Variants in LAMA5 observed in about 807,000 individuals in gnomAD.
LAMA5 encodes laminin subunit alpha 5, also known as laminin subunit alpha-5.
A neutral mutation model predicts 433.4 loss-of-function variants in LAMA5; 260 were observed. That is an observed-to-expected ratio of 0.60 (90% CI 0.54 to 0.66). The LOEUF (loss-of-function observed/expected upper bound fraction) is 0.66. LAMA5 is among the 30% of genes least tolerant of loss of function. The probability of loss-of-function intolerance (pLI) is 0.00; values close to 1 mark genes in which losing one functional copy is unlikely to be tolerated. For synonymous variants in LAMA5, 2,620 were observed against 2,226.6 expected, an observed-to-expected ratio of 1.18 and a Z score of -4.97; for missense variants, 5,378 against 5,258.5, an observed-to-expected ratio of 1.02 and a Z score of -0.70.
chr20:62,329,641 G>C (rs937825104), intron 32 of LAMA5, 136 bp downstream of exon 32: 7 of 1,123,814 alleles, frequency 6.2e-6, no homozygotes, highest in Non-Finnish European at 8.9e-6. Context: ...GTCCCCAAAG[G>C]CAGGAGCTGC....
In LAMA5 at chr20:62,328,346, G is replaced by T. The variant is rs1210946315; in HGVS notation, c.4547C>A (p.Thr1516Asn). 4 of 1,598,344 alleles carry T rather than the reference G, an allele frequency of 2.5e-6. No homozygotes were observed. The highest frequency in any genetic ancestry group is 2.3e-5 in the East Asian group (1 of 44,392). ...PPDCLLCQPQ[T>N]FGCHPLVGCE... is the part of the protein sequence containing the mutation. ...GCCGACCAGGGGGTGGCAGCCAAAGGTCTGGGGCTGGCACAGCAGGCAGTC... is the reference window on the plus strand; with the variant it reads ...GCCGACCAGGGGGTGGCAGCCAAAGTTCTGGGGCTGGCACAGCAGGCAGTC... Residue 1516 changes from threonine (T) to asparagine (N), a missense_variant, in exon 35 of 80, where the codon ACC becomes AAC. Transcript: ENST00000252999.
chr20:62,315,158 G>T lies in LAMA5; in HGVS notation c.7917C>A (p.Ala2639=). Reference sequence around the variant, plus strand: ...ACTGCACACGGGTGGCGGTGTCCTGGGCTTCAGCAGCCACAGCCTTGGCAT... The same window carrying T: ...ACTGCACACGGGTGGCGGTGTCCTGTGCTTCAGCAGCCACAGCCTTGGCAT... ...IAHAKAVAAE[A]QDTATRVQSQ... The change falls in exon 59 of 80, where the codon GCC becomes GCA. Residue 2639 remains alanine, a synonymous_variant. Coordinates refer to ENST00000252999, the MANE Select transcript of LAMA5 (RefSeq NM_005560.6). 1 of 1,610,962 alleles carries T rather than the reference G, an allele frequency of 6.2e-7. No individual in the cohort carries two copies. The highest frequency in any genetic ancestry group is 8.5e-7 in the Non-Finnish European group (1 of 1,179,706).
rs558380825 is a variant in LAMA5 at position 62,345,570 on chromosome 20, C to G, written c.1477+248G>C. ...TACAGGCACACATCACTACACCCAG[C>G]TAATTTTTGTATTTGCTGTAGAGAC... is the stretch of plus-strand genomic sequence containing the variant. On this transcript the variant is annotated intron_variant, in intron 11 of 79. Transcript: ENST00000252999. 20 of 640,950 alleles carry G rather than the reference C, an allele frequency of 3.1e-5. 1 individual carries two copies. The South Asian group carries it at 3.1e-4, about 10-fold the overall frequency. The allele number at this position is 640,950 out of a possible 1,614,324, so 39.7% of individuals were successfully genotyped here.
At chr20:62,364,401 G>C (rs1986493021) in intron 1 of LAMA5, among the ~76,000 whole-genome samples, 1 of 152,176 alleles carries the variant, frequency 6.6e-6, no homozygotes, top group Admixed American at 6.5e-5. Context: ...GCGGGTCAAG[G>C]GTCAGCCTCT....
rs1369537754 is a variant in LAMA5, at chr20:62,310,472, C to T, written c.10547G>A (p.Gly3516Asp). ...GAAGAACAGGCCCGCCTCCAGGGGG[C>T]CCAAGATGCAGGGTGTGACCCCTGC... is the stretch of plus-strand genomic sequence containing the variant. The part of the protein sequence containing the change: ...RMAGVTPCIL[G>D]PLEAGLFFPG... The change falls in exon 76 of 80, where the codon GGC becomes GAC. Residue 3516 changes from glycine to aspartate, a missense_variant. Gly to Asp is a moderately conservative substitution (Grantham distance 94). Transcript: ENST00000252999. The T allele has an allele frequency of 6.3e-7, 1 of 1,596,668 alleles. No homozygotes were observed.
intron 4 of LAMA5, 75 bp downstream of exon 4, chr20:62,352,167 C>A (rs550885341): frequency 6.3e-7 from 1 of 1,576,210 alleles, no homozygotes; most frequent in Non-Finnish European, 8.6e-7. Flanking sequence ...TCTCCAGCCC[C>A]GCTCGGCACT....
At chr20:62,320,343 A>AG (rs397964932) in intron 50 of LAMA5, among the ~76,000 whole-genome samples, 1 of 149,250 alleles carries the variant, frequency 6.7e-6, no homozygotes, top group Non-Finnish European at 1.5e-5. Context: ...AAAAAAAAAA[A>AG]GACATTTGAG....
At chr20:62,321,639 AGCCAGTGGAAGAGGTG>A in intron 48 of LAMA5, among the ~76,000 whole-genome samples, 1 of 65,450 alleles carries the variant, frequency 1.5e-5, no homozygotes. Context: ...GAGGAGGTGC[AGCCAGTGGAAGAGGTG>A]GGGCCAATGG....
chr20:62,309,603 T>TGGGAGTAGGGTGGGAGGGGGCAGG, intron 79 of LAMA5, 113 bp downstream of exon 79: 3 of 283,610 alleles, frequency 1.1e-5, no homozygotes, highest in Non-Finnish European at 1.7e-5. Flanking sequence ...GGTAGGGGGG[T>TGGGAGTAGGGTGGGAGGGGGCAGG]GGGAGGAGGG....
chr20:62,314,435 A>C lies in LAMA5; in HGVS notation c.8373T>G (p.Thr2791=). 1 of 1,613,368 alleles carries C rather than the reference A, an allele frequency of 6.2e-7. No individual in the cohort carries two copies. Among genetic ancestry groups the C allele is most frequent in the African/African-American group, 1.3e-5 (1 of 75,030 alleles). ...FVMYMGSRQA[T]GDYMGVSLRD... ...GCAGAGACACACCCATGTAGTCCCC[A>C]GTGGCCTGCGGCAGTGACAGACACA... Residue 2791 remains threonine, a synonymous_variant, in exon 62 of 80, where the codon ACT becomes ACG. Coordinates refer to ENST00000252999, the MANE Select transcript of LAMA5 (RefSeq NM_005560.6).
intron 23 of LAMA5, 44 bp downstream of exon 23, chr20:62,333,857 C>A (rs867637072): frequency 2.8e-6 from 4 of 1,412,658 alleles, no homozygotes; most frequent in Non-Finnish European, 3.7e-6. Context: ...GTGGGGTGGG[C>A]TGGGCTGGTG....
rs369572769 is a variant in LAMA5 at position 62,312,259 on chromosome 20, C to T, written c.9418G>A (p.Val3140Met). 1.2e-5 allele frequency: 20 copies of T among 1,611,036 alleles called. No homozygotes were observed. Among genetic ancestry groups the T allele is most frequent in the Admixed American group, 3.3e-5 (2 of 59,780 alleles). ...HGFLRLALSN[V>M]APLTGNVYSG... ...TAGACGTTGCCAGTGAGCGGTGCCA[C>T]GTTCGAGAGCGCCAGGCGAAGGAAG... Residue 3140 changes from valine to methionine, a missense_variant, in exon 69 of 80, where the codon GTG becomes ATG. Coordinates refer to ENST00000252999, the MANE Select transcript of LAMA5 (RefSeq NM_005560.6).
chr20:62,332,200 A>G (rs1296365740), intron 28 of LAMA5, among the ~76,000 whole-genome samples, 172 bp downstream of exon 28: 1 of 152,214 alleles, frequency 6.6e-6, no homozygotes, highest in Non-Finnish European at 1.5e-5. Flanking sequence ...AAGGGACTGA[A>G]TCCACAAAAC....
chr20:62,352,732 G>T (rs2146314910), intron 3 of LAMA5, among the ~76,000 whole-genome samples: 1 of 152,312 alleles, frequency 6.6e-6, no homozygotes, highest in African/African-American at 2.4e-5. Context: ...CCACCAGCAT[G>T]ACTGGTCAGG....
At chr20:62,343,439 G>A (rs180939896) in intron 11 of LAMA5, among the ~76,000 whole-genome samples, 2 of 152,074 alleles carry the variant, frequency 1.3e-5, no homozygotes, top group East Asian at 1.9e-4. Flanking sequence ...CCAAAATAAG[G>A]GGCAAATGAC....
intron 1 of LAMA5, among the ~76,000 whole-genome samples, chr20:62,364,675 G>A (rs867378832): frequency 6.6e-6 from 1 of 152,156 alleles, no homozygotes; most frequent in Middle Eastern, 3.2e-3. Flanking sequence ...TCCCAGGCTG[G>A]GCCGGCCAGG....
chr20:62,328,298 C>A lies in LAMA5; in HGVS notation c.4595G>T (p.Gly1532Val), dbSNP rs780287923. The change falls in exon 35 of 80, where the codon GGG becomes GTG. Residue 1532 changes from glycine (G) to valine (V), a missense_variant. Gly to Val is a moderately radical substitution (Grantham distance 109). Transcript: ENST00000252999. ...LVGCEECNCS[G>V]PGIQELTDPT... ...GTCTGTGAGCTCCTGGATGCCGGGCCCTGAGCAGTTACACTCCTCACAGCC... is the reference window on the plus strand; with the variant it reads ...GTCTGTGAGCTCCTGGATGCCGGGCACTGAGCAGTTACACTCCTCACAGCC... 5 of 1,607,836 alleles carry A rather than the reference C, an allele frequency of 3.1e-6. No individual in the cohort carries two copies. Among genetic ancestry groups the A allele is most frequent in the South Asian group, 2.2e-5 (2 of 89,842 alleles).
chr20:62,310,727 G>T lies in LAMA5; in HGVS notation c.10384C>A (p.Pro3462Thr), dbSNP rs902041085. The change falls in exon 75 of 80, where the codon CCC becomes ACC. Residue 3462 changes from proline to threonine, a missense_variant. Coordinates refer to ENST00000252999, the MANE Select transcript of LAMA5 (RefSeq NM_005560.6). ...PHRQHQGAEH[P>T]QPHTLFVGGL... The stretch of plus-strand genomic sequence containing the variant: ...CCCACAAAGAGGGTGTGGGGCTGGG[G>T]GTGCTCTGCCCCCTGGTGCTGCCGG... 1 of 1,593,516 alleles carries T rather than the reference G, an allele frequency of 6.3e-7. No individual in the cohort carries two copies.
chr20:62,319,596 C>G (rs1987443105), intron 51 of LAMA5, 88 bp downstream of exon 51: 2 of 907,382 alleles, frequency 2.2e-6, no homozygotes, highest in Non-Finnish European at 3.4e-6. Flanking sequence ...GCCTGTTCTT[C>G]CAGGCCAAGC....
Sources: gnomAD v4.1 joint callset for allele counts (sites outside exome capture counted in the v4.1 genomes callset) on GRCh38, gnomAD v4.1.1 for gene constraint, MANE v1.5 for transcripts, NCBI Gene and HGNC (gene_info 2026-07-23, HGNC 2026-07-21) for gene names.